The following PPP4R4 variants were observed in gnomAD, a reference collection of about 807,000 sequenced individuals.
PPP4R4 encodes serine/threonine-protein phosphatase 4 regulatory subunit 4.
PPP4R4 carries 70 observed loss-of-function variants against 121.8 expected under a neutral mutation model. That is an observed-to-expected ratio of 0.57 (90% confidence interval 0.47 to 0.70). The LOEUF (loss-of-function observed/expected upper bound fraction) is 0.70, where lower values mean the gene tolerates loss of function less well. Ranked by LOEUF, PPP4R4 falls within the 30% of genes least tolerant of loss-of-function variation. The pLI is 0.00. For missense variants in PPP4R4, 875 were observed against 1,033.6 expected (o/e 0.85, Z 2.10); for synonymous variants, 348 against 355.7 (o/e 0.98, Z 0.24).
chr14:94,226,148 TAGC>T (rs1891685299), intron 3 of PPP4R4, among the ~76,000 whole-genome samples: 1 of 152,178 alleles, frequency 6.6e-6, no homozygotes, highest in Non-Finnish European at 1.5e-5. Flanking sequence ...AAAAATGACT[TAGC>T]AGAGTACTGC....
At chr14:94,206,940 A>G (rs1890489326) in intron 2 of PPP4R4, among the ~76,000 whole-genome samples, 1 of 152,072 alleles carries the variant, frequency 6.6e-6, no homozygotes, top group South Asian at 2.1e-4. Context: ...ATTCTTGCCT[A>G]TTCCAACTTT....
chr14:94,242,450 TTC>T, intron 11 of PPP4R4, 42 bp downstream of exon 11: 1 of 1,558,054 alleles, frequency 6.4e-7, no homozygotes, highest in Non-Finnish European at 8.8e-7. Flanking sequence ...TTGTTGTTAA[TTC>T]TACCTATGTA....
chr14:94,244,098 C>CCT (rs1892769092), intron 11 of PPP4R4, among the ~76,000 whole-genome samples: 1 of 152,040 alleles, frequency 6.6e-6, no homozygotes, highest in Admixed American at 6.6e-5. Flanking sequence ...AAAAAAACTA[C>CCT]TGTCTACAAG....
intron 1 of PPP4R4, chr14:94,175,824 G>C (rs1888649421): frequency 1.8e-6 from 1 of 551,766 alleles, no homozygotes; most frequent in Non-Finnish European, 3.2e-6. Flanking sequence ...GAGCTAGAAG[G>C]ATAAAAACAG....
chr14:94,199,802 T>C (rs992064142), intron 2 of PPP4R4, among the ~76,000 whole-genome samples: 2 of 152,186 alleles, frequency 1.3e-5, no homozygotes, highest in African/African-American at 4.8e-5. Flanking sequence ...GCGGATGCGC[T>C]CCTCTTGACG....
intron 8 of PPP4R4, among the ~76,000 whole-genome samples, chr14:94,240,380 T>A (rs1013758611): frequency 2.6e-5 from 4 of 152,182 alleles, no homozygotes; most frequent in Non-Finnish European, 5.9e-5. Flanking sequence ...CAGGCTCAAA[T>A]CCTCAATCAT....
chr14:94,239,419 A>G (rs1218589615), intron 8 of PPP4R4, among the ~76,000 whole-genome samples: 2 of 133,814 alleles, frequency 1.5e-5, no homozygotes, highest in Non-Finnish European at 3.1e-5. Flanking sequence ...TCATTGTTCA[A>G]TTCCCACCTA....
At chr14:94,269,666 AAAAC>A (rs1295484594) in intron 23 of PPP4R4, among the ~76,000 whole-genome samples, 1 of 151,974 alleles carries the variant, frequency 6.6e-6, no homozygotes, top group Non-Finnish European at 1.5e-5. Flanking sequence ...AGAAAAAAAA[AAAAC>A]AAAAACAAAA....
chr14:94,275,892 A>G (rs1033851554), intron 24 of PPP4R4, among the ~76,000 whole-genome samples: 1 of 152,208 alleles, frequency 6.6e-6, no homozygotes, highest in African/African-American at 2.4e-5. Flanking sequence ...AAGATTGGTA[A>G]AGCTGATGTC....
At chr14:94,246,630 A>C (rs1157295201) in intron 14 of PPP4R4, 91 bp downstream of exon 14, 1 of 1,347,706 alleles carries the variant, frequency 7.4e-7, no homozygotes, top group Non-Finnish European at 1.0e-6. Flanking sequence ...TAGTAGAACA[A>C]ACTCAGTTCA....
At chr14:94,242,490 A>G (rs1474195261) in intron 11 of PPP4R4, 82 bp downstream of exon 11, 1 of 1,371,286 alleles carries the variant, frequency 7.3e-7, no homozygotes, top group African/African-American at 1.4e-5. Context: ...CTTATAGATT[A>G]TAAGATATAG....
intron 3 of PPP4R4, among the ~76,000 whole-genome samples, chr14:94,229,730 C>T (rs970457886): frequency 2.0e-5 from 3 of 152,032 alleles, no homozygotes; most frequent in Non-Finnish European, 4.4e-5. Context: ...CCAGGTTGTT[C>T]TACTGACTTT....
intron 22 of PPP4R4, 144 bp downstream of exon 22, chr14:94,266,031 G>A: frequency 3.8e-6 from 2 of 526,898 alleles, no homozygotes; most frequent in South Asian, 4.3e-5. Flanking sequence ...TCTTCTGTAG[G>A]GATTGTTATA....
At position 94,242,416 on chromosome 14, in the gene PPP4R4, T is replaced by C. The variant is rs1224295511; in HGVS notation, c.1266+8T>C. The stretch of plus-strand genomic sequence containing the variant: ...GCTATTTGCTTTTATGAAGTAAGTC[T>C]GAAGACTTGATATCACTTTACGTTT... On this transcript the variant is annotated splice_region_variant and intron_variant, in intron 11 of 24. Coordinates refer to ENST00000304338, the MANE Select transcript of PPP4R4 (RefSeq NM_058237.2). 1.2e-6 allele frequency: 2 copies of C among 1,604,780 alleles called. No individual in the cohort carries two copies. The highest frequency in any genetic ancestry group is 2.2e-5 in the South Asian group (2 of 90,774).
chr14:94,241,866 A>C lies in PPP4R4; in HGVS notation c.1055A>C (p.Asn352Thr), dbSNP rs777230350. 23 of 1,610,156 alleles carry C rather than the reference A, an allele frequency of 1.4e-5. No individual in the cohort carries two copies. In the Admixed American group the frequency reaches 3.5e-4, roughly 25 times the overall value. ...KLCTLGLQQENGHNENQIPPQ... is the reference protein window; with the variant it reads ...KLCTLGLQQETGHNENQIPPQ... ...TGTACATTGGGTTTGCAACAAGAAA[A>C]TGGACACAATGAAAACCAGATTCCA... The change falls in exon 10 of 25, where the codon AAT becomes ACT. Residue 352 changes from asparagine to threonine, a missense_variant. Coordinates refer to ENST00000304338, the MANE Select transcript of PPP4R4 (RefSeq NM_058237.2).
rs1308925230 is a variant in PPP4R4 at position 94,266,970 on chromosome 14, C to CT, written c.2390_2391insT (p.Thr798AsnfsTer20). 4.4e-6 allele frequency: 7 copies of CT among 1,583,256 alleles called. No homozygotes were observed. Among genetic ancestry groups the CT allele is most frequent in the Non-Finnish European group, 6.1e-6 (7 of 1,155,496 alleles). ...ATGTTGTTTTCTAGTAAAAGTTCTA[C>CT]AACAGGATATACAACTTCTGTCTCA... On this transcript the variant is annotated frameshift_variant, in exon 23 of 25. Coordinates refer to ENST00000304338, the MANE Select transcript of PPP4R4 (RefSeq NM_058237.2). LOFTEE classifies it high-confidence loss of function.
In PPP4R4 at chr14:94,242,172, A is replaced by G. The variant is rs557224779; in HGVS notation, c.1147-117A>G. 11 of 1,319,434 alleles carry G rather than the reference A, an allele frequency of 8.3e-6. No homozygotes were observed. The African/African-American group carries it at 1.6e-4, about 19-fold the overall frequency. 81.7% of individuals were successfully genotyped at this position (1,319,434 alleles called of 1,614,324 possible). On this transcript the variant is annotated intron_variant, in intron 10 of 24. Transcript: ENST00000304338. ...TTTGGATCTTCCAAATATGATTTTT[A>G]GTTAAATTACAATTCAGAGAACATG...
intron 3 of PPP4R4, chr14:94,227,801 T>C: frequency 2.0e-6 from 2 of 987,220 alleles, no homozygotes; most frequent in Non-Finnish European, 2.4e-6. Flanking sequence ...TAATATTTAT[T>C]TGCAAAGTCC....
At chr14:94,198,974 CTTTG>C (rs1890025080) in intron 2 of PPP4R4, among the ~76,000 whole-genome samples, 1 of 152,182 alleles carries the variant, frequency 6.6e-6, no homozygotes, top group Non-Finnish European at 1.5e-5. Context: ...AGCCCTACAA[CTTTG>C]TTTTTGTCAG....
Sources: allele counts gnomAD v4.1 joint callset (sites outside exome capture counted in the v4.1 genomes callset), GRCh38; gene constraint gnomAD v4.1.1; transcripts MANE v1.5; gene names NCBI Gene and HGNC (gene_info 2026-07-23, HGNC 2026-07-21).